The following ZFHX3 variants were observed in gnomAD, a reference collection of about 807,000 sequenced individuals.
ZFHX3 encodes zinc finger homeobox 3, also known as zinc finger homeobox protein 3.
A neutral mutation model predicts 279.1 loss-of-function variants in ZFHX3; 42 were observed. The ratio of observed to expected loss-of-function variants is 0.15; its 90% CI spans 0.12 to 0.19. The LOEUF (loss-of-function observed/expected upper bound fraction) is 0.19, where lower values mean the gene tolerates loss of function less well. Among genes scored for constraint, ZFHX3 ranks in the 10% least tolerant of loss-of-function variants. ZFHX3 has a pLI of 1.00. For missense variants in ZFHX3, 4,981 were observed against 4,754.0 expected (o/e 1.05, Z -1.40); for synonymous variants, 2,293 against 1,957.8 (o/e 1.17, Z -4.52).
At chr16:72,823,721 C>G (rs1382905498) in intron 5 of ZFHX3, among the ~76,000 whole-genome samples, 2 of 152,112 alleles carry the variant, frequency 1.3e-5, no homozygotes, top group Non-Finnish European at 2.9e-5. Flanking sequence ...TGTCCCTACC[C>G]CAGTCATAAT....
intron 2 of ZFHX3, among the ~76,000 whole-genome samples, chr16:73,576,874 T>C (rs2143816167): frequency 6.6e-6 from 1 of 152,242 alleles, no homozygotes; most frequent in African/African-American, 2.4e-5. Flanking sequence ...CTCTCTCTCC[T>C]CCCACCCTCC....
Position 72,957,500 on chromosome 16 carries a change from C to T in ZFHX3, c.2646G>A (p.Ser882=), listed in dbSNP as rs766589557. 32 of 1,614,094 alleles carry T rather than the reference C, an allele frequency of 2.0e-5. 1 individual carries two copies. Among genetic ancestry groups the T allele is most frequent in the South Asian group, 7.7e-5 (7 of 91,062 alleles). Residue 882 remains serine, a synonymous_variant, in exon 2 of 10, where the codon TCG becomes TCA. Coordinates refer to ENST00000268489, the MANE Select transcript of ZFHX3 (RefSeq NM_006885.4). The part of the protein sequence containing the change: ...LPNLKMDSAA[S]DAQFMMSGFQ... The stretch of plus-strand genomic sequence containing the variant: ...ATCCGCTCATCATGAACTGGGCGTC[C>T]GAGGCAGCACTGTCCATCTTCAGGT...
In ZFHX3 at chr16:72,958,627, G is replaced by A. The variant is rs1449981669; in HGVS notation, c.1519C>T (p.Pro507Ser). The A allele has an allele frequency of 6.2e-7, 1 of 1,613,904 alleles. No homozygotes were observed. The highest frequency in any genetic ancestry group is 8.5e-7 in the Non-Finnish European group (1 of 1,180,006). The change falls in exon 2 of 10, where the codon CCC becomes TCC. Residue 507 changes from proline (P) to serine (S), a missense_variant. Physicochemically the swap from Pro to Ser is moderately conservative, Grantham distance 74. This residue lies in a region of ZFHX3 where 1,068 missense variants were observed against 935.2 expected (regional missense o/e 1.14). Coordinates refer to ENST00000268489, the MANE Select transcript of ZFHX3 (RefSeq NM_006885.4). ...GCTGCGGCCCCAGGCTCCTCATGGG[G>A]CCTGTCCTCCAGTTCCTCATCCAAC... is the stretch of plus-strand genomic sequence containing the variant. ...SELDEELEDR[P>S]HEEPGAAAGS...
Position 72,919,777 on chromosome 16 carries a change from C to CTTTTTTTTTTTTTTTTTTTTT in ZFHX3, c.3217-29836_3217-29816dup, listed in dbSNP as rs532405250. Among the ~76,000 whole-genome samples, 2 of 42,264 alleles carry CTTTTTTTTTTTTTTTTTTTTT rather than the reference C, an allele frequency of 4.7e-5. 1 individual carries two copies. Among genetic ancestry groups the CTTTTTTTTTTTTTTTTTTTTT allele is most frequent in the African/African-American group, 2.1e-4 (2 of 9,488 alleles). 27.7% of individuals were successfully genotyped at this position (42,264 alleles called of 152,430 possible). A position where few individuals can be genotyped will look rare whatever the true frequency, so the allele number is the denominator to read the frequency against. ...CAACTAAAACATGTATATGCACCAT[C>CTTTTTTTTTTTTTTTTTTTTT]TTTTTTTTTTTTTTTTTTTTTTTTT... is the stretch of plus-strand genomic sequence containing the variant. On this transcript the variant is annotated intron_variant, in intron 3 of 9. Transcript: ENST00000268489.
At chr16:73,058,552 C>T in exon 1 of ZFHX3, 1 of 177,382 alleles carries the variant, frequency 5.6e-6, no homozygotes. Context: ...CCGGCGGCGG[C>T]GGCTGCAGCG....
At chr16:73,338,824 C>T (rs748665070) in intron 3 of ZFHX3, among the ~76,000 whole-genome samples, 14 of 152,242 alleles carry the variant, frequency 9.2e-5, no homozygotes, top group South Asian at 2.1e-4. Flanking sequence ...ACTCATGGGG[C>T]GGATTTCTCA....
intron 4 of ZFHX3, among the ~76,000 whole-genome samples, chr16:73,257,860 T>A (rs1597247735): frequency 6.6e-6 from 1 of 152,346 alleles, no homozygotes; most frequent in South Asian, 2.1e-4. Flanking sequence ...CTGGGTCAAG[T>A]TCTGGGAGAC....
At chr16:73,555,444 G>A (rs2020263965) in intron 2 of ZFHX3, among the ~76,000 whole-genome samples, 1 of 151,584 alleles carries the variant, frequency 6.6e-6, no homozygotes, top group Admixed American at 6.6e-5. Context: ...GTGAGCCACC[G>A]CGCCCGGCCG....
chr16:73,018,537 T>C (rs1208010426), intron 1 of ZFHX3, among the ~76,000 whole-genome samples: 1 of 152,128 alleles, frequency 6.6e-6, no homozygotes, highest in Non-Finnish European at 1.5e-5. Context: ...AGGCAGAGAC[T>C]GCAGTGAGCC....
chr16:73,133,317 T>A (rs1354445517), intron 6 of ZFHX3, among the ~76,000 whole-genome samples: 1 of 151,754 alleles, frequency 6.6e-6, no homozygotes, highest in Non-Finnish European at 1.5e-5. Flanking sequence ...AAGTCAGGAG[T>A]TCAAGACCAG....
chr16:73,127,682 A>G, intron 7 of ZFHX3: 1 of 1,178,686 alleles, frequency 8.5e-7, no homozygotes, highest in South Asian at 1.5e-5. Flanking sequence ...TAAAACCCCG[A>G]TGCTTTTTCC....
At chr16:73,639,631 A>T (rs2052556620) in intron 2 of ZFHX3, among the ~76,000 whole-genome samples, 1 of 152,166 alleles carries the variant, frequency 6.6e-6, no homozygotes, top group Admixed American at 6.6e-5. Flanking sequence ...TCCCTGTATA[A>T]ATTTAATGGC....
chr16:73,100,020 C>T (rs1966212334), intron 7 of ZFHX3, among the ~76,000 whole-genome samples: 1 of 152,106 alleles, frequency 6.6e-6, no homozygotes, highest in Non-Finnish European at 1.5e-5. Flanking sequence ...GCCCATTACA[C>T]ATGAGGACAG....
intron 2 of ZFHX3, among the ~76,000 whole-genome samples, chr16:73,569,573 G>A (rs1185088689): frequency 6.6e-6 from 1 of 151,854 alleles, no homozygotes; most frequent in Non-Finnish European, 1.5e-5. Context: ...GTCACAGGGA[G>A]ATTCACCTGC....
rs1555513939 is a variant in ZFHX3 at position 73,399,837 on chromosome 16, G to GGTGTGTGGTGT, written c.-1291+56165_-1291+56166insACACCACACAC. ...GTGTGGTGTGTGGAGTGTGGTGTGT[G>GGTGTGTGGTGT]GTGTGTGTGTGTGTGTGTGTGTGTG... On this transcript the variant is annotated intron_variant, in intron 3 of 17. Coordinates refer to the ZFHX3 transcript ENST00000641206. Among the ~76,000 whole-genome samples the GGTGTGTGGTGT allele has an allele frequency of 3.4e-5, 5 of 148,286 alleles. No individual in the cohort carries two copies. In the East Asian group the frequency reaches 8.0e-4, roughly 24 times the overall value.
chr16:73,773,813 C>T (rs977058264), intron 1 of ZFHX3, among the ~76,000 whole-genome samples: 6 of 152,156 alleles, frequency 3.9e-5, no homozygotes, highest in African/African-American at 1.4e-4. Flanking sequence ...TACCAGGGGA[C>T]TCCAACATTC....
At chr16:73,143,246 G>A (rs931331451) in intron 6 of ZFHX3, among the ~76,000 whole-genome samples, 4 of 152,058 alleles carry the variant, frequency 2.6e-5, no homozygotes, top group African/African-American at 7.2e-5. Context: ...AAAGCATGAC[G>A]TTAGAAAATG....
intron 4 of ZFHX3, among the ~76,000 whole-genome samples, chr16:73,264,573 C>CTT (rs926685750): frequency 6.9e-6 from 1 of 144,432 alleles, no homozygotes; most frequent in Non-Finnish European, 1.5e-5. Flanking sequence ...GAACAACCGA[C>CTT]TTTTTTTTTT....
At chr16:73,693,424 A>T (rs966705463) in intron 1 of ZFHX3, among the ~76,000 whole-genome samples, 7 of 151,988 alleles carry the variant, frequency 4.6e-5, no homozygotes, top group African/African-American at 1.7e-4. Flanking sequence ...TTCACTTTGG[A>T]TTAGGGCTTC....
Sources: gnomAD v4.1 joint callset for allele counts (sites outside exome capture counted in the v4.1 genomes callset) on GRCh38, gnomAD v4.1.1 for gene constraint, gnomAD v4.1.1 regional missense constraint, MANE v1.5 for transcripts, NCBI Gene and HGNC (gene_info 2026-07-23, HGNC 2026-07-21) for gene names.